ARHGEF6: variants seen among roughly 807,000 people sequenced by gnomAD.
ARHGEF6 encodes the protein Rac/Cdc42 guanine nucleotide exchange factor 6, also known as rho guanine nucleotide exchange factor 6.
A neutral mutation model predicts 70.3 loss-of-function variants in ARHGEF6; 9 were observed. The ratio of observed to expected loss-of-function variants is 0.13; its 90% confidence interval spans 0.08 to 0.22. The LOEUF (loss-of-function observed/expected upper bound fraction) is 0.22, where lower values mean the gene tolerates loss of function less well. Among genes scored for constraint, ARHGEF6 ranks in the 10% least tolerant of loss-of-function variants. The probability of loss-of-function intolerance (pLI) is 1.00; values close to 1 mark genes in which losing one functional copy is unlikely to be tolerated. For missense variants in ARHGEF6, 470 were observed against 563.0 expected, an observed-to-expected ratio of 0.83 and a Z score of 1.67; for synonymous variants, 201 against 207.8, an observed-to-expected ratio of 0.97 and a Z score of 0.28.
chrX:136,747,456 A>C, intron 3 of ARHGEF6, 52 bp downstream of exon 3: 1 of 1,109,024 alleles, frequency 9.0e-7, no homozygotes, highest in Non-Finnish European at 1.2e-6. Flanking sequence ...AATCACAAAC[A>C]CATGGATTCA....
intron 2 of ARHGEF6, among the ~76,000 whole-genome samples, chrX:136,769,215 C>G (rs1308185462): frequency 9.0e-6 from 1 of 110,780 alleles, no homozygotes; most frequent in East Asian, 2.8e-4. Flanking sequence ...AATTCGAGAC[C>G]AGCCTGGCCA....
chrX:136,760,049 G>A (rs1023856933), intron 2 of ARHGEF6, among the ~76,000 whole-genome samples: 3 of 112,063 alleles, frequency 2.7e-5, no homozygotes, highest in Non-Finnish European at 5.6e-5. Context: ...GGAGCTAATC[G>A]GACAGATATC....
intron 6 of ARHGEF6, among the ~76,000 whole-genome samples, chrX:136,724,336 C>T (rs2076832543): frequency 1.8e-5 from 2 of 111,367 alleles, no homozygotes; most frequent in African/African-American, 6.5e-5. Context: ...TCTCGGCCTC[C>T]CAAAGTGCTA....
At chrX:136,729,467 CAAAAAAAAAAAAA>C (rs749398050) in intron 6 of ARHGEF6, among the ~76,000 whole-genome samples, 6 of 12,412 alleles carry the variant, frequency 4.8e-4, no homozygotes, top group African/African-American at 1.2e-3. Context: ...GACTCCATCT[CAAAAAAAAAAAAA>C]AAAAAAAAAA....
intron 13 of ARHGEF6, 50 bp from the exon 14 acceptor site, chrX:136,682,018 G>A: frequency 9.6e-7 from 1 of 1,040,135 alleles, no homozygotes. Context: ...ACAGGTCTCT[G>A]TTTATTTCAC....
intron 5 of ARHGEF6, among the ~76,000 whole-genome samples, chrX:136,739,189 T>C (rs1357820776): frequency 8.9e-6 from 1 of 112,182 alleles, no homozygotes; most frequent in East Asian, 2.8e-4. Context: ...AACTTAAAAG[T>C]TCCCTCTGAT....
At chrX:136,761,541 G>T (rs2077263743) in intron 2 of ARHGEF6, among the ~76,000 whole-genome samples, 1 of 112,204 alleles carries the variant, frequency 8.9e-6, no homozygotes, top group East Asian at 2.8e-4. Context: ...ACTCAGAAAC[G>T]AAAGCACTTT....
intron 6 of ARHGEF6, among the ~76,000 whole-genome samples, chrX:136,729,069 C>T (rs776181899): frequency 1.0e-5 from 1 of 96,314 alleles, no homozygotes; most frequent in Admixed American, 1.1e-4. Context: ...CCCACCGCCC[C>T]CCACCCCCCA....
chrX:136,684,825 G>A (rs1409412030), intron 12 of ARHGEF6, among the ~76,000 whole-genome samples: 2 of 111,664 alleles, frequency 1.8e-5, no homozygotes, highest in African/African-American at 3.3e-5. Flanking sequence ...TGTTACCACC[G>A]TCTTAGGGGA....
intron 1 of ARHGEF6, 139 bp from the exon 2 acceptor site, chrX:136,779,636 A>C (rs1462877721): frequency 1.8e-6 from 1 of 553,286 alleles, no homozygotes; most frequent in Non-Finnish European, 3.1e-6. Context: ...GAAGAGAAAT[A>C]ACCACTGAAG....
chrX:136,686,682 A>ATGTG (rs1491331117), intron 11 of ARHGEF6, among the ~76,000 whole-genome samples: 10 of 59,514 alleles, frequency 1.7e-4, no homozygotes, highest in East Asian at 5.2e-4. Context: ...ATATATACAC[A>ATGTG]TATATATATA....
intron 19 of ARHGEF6, 102 bp downstream of exon 19, chrX:136,674,905 C>CG: frequency 1.3e-6 from 1 of 748,483 alleles, no homozygotes; most frequent in Non-Finnish European, 2.1e-6. Context: ...CTGCTTTCCA[C>CG]ACCCTGCAAC....
intron 2 of ARHGEF6, among the ~76,000 whole-genome samples, chrX:136,775,869 T>C (rs1359257826): frequency 8.9e-6 from 1 of 111,762 alleles, no homozygotes. Context: ...AAAATCAATA[T>C]GTCAGTAACA....
chrX:136,729,467 C>CAAAAAAA (rs749398050), intron 6 of ARHGEF6, among the ~76,000 whole-genome samples: 5 of 12,410 alleles, frequency 4.0e-4, no homozygotes, highest in African/African-American at 7.1e-4. Context: ...GACTCCATCT[C>CAAAAAAA]AAAAAAAAAA....
intron 9 of ARHGEF6, among the ~76,000 whole-genome samples, chrX:136,706,486 G>A (rs945288241): frequency 1.8e-5 from 2 of 111,604 alleles, no homozygotes; most frequent in Non-Finnish European, 3.8e-5. Context: ...TGATAGGCTC[G>A]AAATAGAATT....
At chrX:136,686,881 A>G (rs1317928981) in intron 11 of ARHGEF6, among the ~76,000 whole-genome samples, 1 of 106,497 alleles carries the variant, frequency 9.4e-6, no homozygotes, top group Non-Finnish European at 1.9e-5. Context: ...TATTTTCTAT[A>G]AAATCTCTGC....
chrX:136,766,743 G>C (rs760914297), intron 2 of ARHGEF6, among the ~76,000 whole-genome samples: 1 of 112,641 alleles, frequency 8.9e-6, no homozygotes, highest in African/African-American at 3.2e-5. Context: ...TCCTGCGACA[G>C]ATCTCTGTAC....
chrX:136,760,122 C>G (rs934975703), intron 2 of ARHGEF6, among the ~76,000 whole-genome samples: 2 of 112,394 alleles, frequency 1.8e-5, no homozygotes, highest in African/African-American at 6.5e-5. Flanking sequence ...TGTTGAAATG[C>G]AGATACAGAG....
intron 15 of ARHGEF6, 47 bp downstream of exon 15, chrX:136,680,684 T>C: frequency 8.3e-7 from 1 of 1,198,779 alleles, no homozygotes; most frequent in Non-Finnish European, 1.1e-6. Context: ...AGGCAGGAGT[T>C]GACGAAAGAC....
Sources: allele counts gnomAD v4.1 joint callset (sites outside exome capture counted in the v4.1 genomes callset), GRCh38; gene constraint gnomAD v4.1.1; transcripts MANE v1.5; gene names NCBI Gene and HGNC (gene_info 2026-07-23, HGNC 2026-07-21).